FGFR1: variants seen among roughly 807,000 people sequenced by gnomAD.
FGFR1 encodes FGFR1/PLAG1 fusion.
In FGFR1, 18 loss-of-function variants were observed where a neutral mutation model predicts 93.7. The observed-to-expected ratio is 0.19, with a 90% CI of 0.13 to 0.28. FGFR1 has a LOEUF of 0.28. FGFR1 is among the 10% of genes least tolerant of loss of function. The probability of loss-of-function intolerance (pLI) is 1.00; values close to 1 mark genes in which losing one functional copy is unlikely to be tolerated. For synonymous variants in FGFR1, 448 were observed against 429.3 expected (o/e 1.04, Z -0.54); for missense variants, 731 against 1,080.4 (o/e 0.68, Z 4.53).
intron 3 of FGFR1, chr8:38,428,983 T>C (rs894617792): frequency 1.6e-5 from 5 of 307,994 alleles, no homozygotes; most frequent in Non-Finnish European, 3.2e-5. Context: ...CCAATAAGTA[T>C]TTATTTCTTG....
In FGFR1 at chr8:38,419,699, A is replaced by G; in HGVS notation, c.1118T>C (p.Leu373Pro). ...GCAATAGATGATGATCTCCAGGTACAGGGGCGAGGTCATCACTGCCGGCCT... is the reference window on the plus strand; with the variant it reads ...GCAATAGATGATGATCTCCAGGTACGGGGGCGAGGTCATCACTGCCGGCCT... ...EERPAVMTSP[L>P]YLEIIIYCTG... The change falls in exon 9 of 18, where the codon CTG becomes CCG. Residue 373 changes from leucine (L) to proline (P), a missense_variant. This residue lies in a region of FGFR1 where 146 missense variants were observed against 173.0 expected (regional missense o/e 0.84). Coordinates refer to ENST00000447712, the MANE Select transcript of FGFR1 (RefSeq NM_023110.3). 6.2e-7 allele frequency: 1 copy of G among 1,614,190 alleles called. No individual in the cohort carries two copies. Among genetic ancestry groups the G allele is most frequent in the South Asian group, 1.1e-5 (1 of 91,084 alleles).
intron 12 of FGFR1, 58 bp from the exon 13 acceptor site, chr8:38,416,118 AC>A: frequency 1.3e-6 from 2 of 1,501,108 alleles, no homozygotes; most frequent in Admixed American, 1.9e-5. Flanking sequence ...GTTTGGCTTC[AC>A]CTCAAAGAAA....
At chr8:38,445,672 G>A (rs1009489138) in intron 2 of FGFR1, among the ~76,000 whole-genome samples, 1 of 151,652 alleles carries the variant, frequency 6.6e-6, no homozygotes, top group African/African-American at 2.4e-5. Flanking sequence ...CAGAGTAGCT[G>A]GGATTACAGG....
intron 3 of FGFR1, chr8:38,428,665 G>A (rs1021640284): frequency 7.1e-6 from 4 of 564,054 alleles, no homozygotes; most frequent in African/African-American, 1.9e-5. Context: ...TTCACACTGG[G>A]TGGTTCCATC....
chr8:38,446,773 G>A (rs925712363), intron 2 of FGFR1, among the ~76,000 whole-genome samples: 3 of 152,156 alleles, frequency 2.0e-5, no homozygotes, highest in East Asian at 1.9e-4. Context: ...AGCCTCTGAA[G>A]CTTTTGATAT....
chr8:38,428,838 G>A, intron 3 of FGFR1: 1 of 314,420 alleles, frequency 3.2e-6, no homozygotes. Context: ...GTGGCTAGAT[G>A]CTATTTCCAA....
At position 38,428,386 on chromosome 8, in the gene FGFR1, TGAA is replaced by T. The variant is rs1305946689; in HGVS notation, c.405_407del (p.Ser136del). The T allele has an allele frequency of 1.2e-6, 2 of 1,613,964 alleles. No individual in the cohort carries two copies. The highest frequency in any genetic ancestry group is 4.5e-5 in the East Asian group (2 of 44,888). ...TGGTGTTATCTGTTTCTTTCTCCTC[TGAA>T]GAGGAGTCATCATCATCATCATCAT... On this transcript the variant is annotated inframe_deletion, in exon 4 of 18. Coordinates refer to ENST00000447712, the MANE Select transcript of FGFR1 (RefSeq NM_023110.3).
At chr8:38,443,218 A>G (rs1828119146) in intron 2 of FGFR1, among the ~76,000 whole-genome samples, 1 of 152,202 alleles carries the variant, frequency 6.6e-6, no homozygotes, top group African/African-American at 2.4e-5. Context: ...AAAATTGGTG[A>G]AAATGCACCA....
At chr8:38,452,865 T>C (rs766044005) in intron 2 of FGFR1, among the ~76,000 whole-genome samples, 3 of 152,098 alleles carry the variant, frequency 2.0e-5, no homozygotes, top group Non-Finnish European at 2.9e-5. Context: ...TAATCCCAGC[T>C]ACTTGGGAGG....
chr8:38,416,147 C>T (rs1026883854), intron 12 of FGFR1, 87 bp from the exon 13 acceptor site: 60 of 1,205,376 alleles, frequency 5.0e-5, no homozygotes, highest in African/African-American at 9.0e-5. Flanking sequence ...CCCAGCAGCA[C>T]ACCCCGGCCA....
At position 38,413,357 on chromosome 8, in the gene FGFR1, G is replaced by C; in HGVS notation, c.*271C>G. ...GCCCTCCAGGCAGTGCCTGGTGGCAGGGAGGGGTGTTGGTCCAACATCTGG... is the reference window on the plus strand; with the variant it reads ...GCCCTCCAGGCAGTGCCTGGTGGCACGGAGGGGTGTTGGTCCAACATCTGG... On this transcript the variant is annotated 3_prime_UTR_variant, in exon 18 of 18. Coordinates refer to ENST00000447712, the MANE Select transcript of FGFR1 (RefSeq NM_023110.3). The surrounding 1 kb of genome is among the most constrained non-coding windows in gnomAD (Gnocchi z 4.2). The C allele has an allele frequency of 1.9e-6, 1 of 524,476 alleles. No individual in the cohort carries two copies. Among genetic ancestry groups the C allele is most frequent in the Non-Finnish European group, 3.4e-6 (1 of 296,524 alleles). 32.5% of individuals were successfully genotyped at this position (524,476 alleles called of 1,614,324 possible).
intron 2 of FGFR1, among the ~76,000 whole-genome samples, chr8:38,456,670 C>T (rs765515366): frequency 9.2e-5 from 14 of 152,204 alleles, no homozygotes; most frequent in Non-Finnish European, 1.5e-4. Context: ...ATCATGCAAT[C>T]TTCCTGTCTC....
rs1586350119 is a variant in FGFR1, at chr8:38,428,358, G to C, written c.436C>G (p.Pro146Ala). ...AACAGTGTCTCACGCATACGGTTTG[G>C]TTTGGTGTTATCTGTTTCTTTCTCC... ...SEEKETDNTK[P>A]NRMPVAPYWT... The change falls in exon 4 of 18, where the codon CCA (proline) becomes GCA (alanine). Residue 146 changes from proline (P) to alanine (A), a missense_variant. Pro to Ala is a conservative substitution (Grantham distance 27, BLOSUM62 -1). Coordinates refer to ENST00000447712, the MANE Select transcript of FGFR1 (RefSeq NM_023110.3). 6.2e-6 allele frequency: 10 copies of C among 1,614,092 alleles called. No individual in the cohort carries two copies. The highest frequency in any genetic ancestry group is 8.5e-6 in the Non-Finnish European group (10 of 1,179,944).
chr8:38,432,917 C>CCAA (rs1180294926), intron 2 of FGFR1, among the ~76,000 whole-genome samples: 1 of 142,502 alleles, frequency 7.0e-6, no homozygotes, highest in African/African-American at 2.6e-5. Flanking sequence ...CGCCCCCCCC[C>CCAA]CTCCCCAGTT....
chr8:38,437,059 T>C (rs1323711160), intron 2 of FGFR1, among the ~76,000 whole-genome samples: 1 of 152,152 alleles, frequency 6.6e-6, no homozygotes, highest in Non-Finnish European at 1.5e-5. Flanking sequence ...TTTGTATTTT[T>C]AGTAGAGATG....
intron 1 of FGFR1, chr8:38,465,957 A>C (rs1835399443): frequency 4.4e-6 from 1 of 228,456 alleles, no homozygotes; most frequent in Non-Finnish European, 8.7e-6. Flanking sequence ...CGCCCAAAGA[A>C]GGAAACCAGA....
chr8:38,455,338 T>C (rs1195218233), intron 2 of FGFR1, among the ~76,000 whole-genome samples: 1 of 152,198 alleles, frequency 6.6e-6, no homozygotes, highest in Non-Finnish European at 1.5e-5. Context: ...TGGAGTGCAG[T>C]GGCGCGATCT....
At chr8:38,436,636 C>A (rs1465692010) in intron 2 of FGFR1, among the ~76,000 whole-genome samples, 1 of 152,006 alleles carries the variant, frequency 6.6e-6, no homozygotes, top group East Asian at 1.9e-4. Flanking sequence ...ATCAAACCTA[C>A]CCTGCTTCTC....
rs188613288 is a variant in FGFR1 at position 38,452,891 on chromosome 8, C to T, written c.91+4465G>A. Among the ~76,000 whole-genome samples the T allele has an allele frequency of 2.8e-4, 42 of 152,234 alleles. No individual in the cohort carries two copies. In the East Asian group the frequency reaches 4.6e-3, roughly 17 times the overall value. On this transcript the variant is annotated intron_variant, in intron 2 of 17. Coordinates refer to ENST00000447712, the MANE Select transcript of FGFR1 (RefSeq NM_023110.3). Reference sequence around the variant, plus strand: ...ACTTGGGAGGCTGAGGCAGAAGAATCGCTTGAACCCAGGAGGTGGAGGTTG... The same window carrying T: ...ACTTGGGAGGCTGAGGCAGAAGAATTGCTTGAACCCAGGAGGTGGAGGTTG...
Sources: gnomAD v4.1 joint callset for allele counts (sites outside exome capture counted in the v4.1 genomes callset) on GRCh38, gnomAD v4.1.1 for gene constraint, gnomAD v4.1.1 regional missense constraint, Gnocchi (gnomAD v3.1) non-coding constraint, MANE v1.5 for transcripts, NCBI Gene and HGNC (gene_info 2026-07-23, HGNC 2026-07-21) for gene names.